GPC5: variants seen among roughly 807,000 people sequenced by gnomAD.
The protein encoded by GPC5 is glypican-5.
Under a neutral mutation model 53.9 loss-of-function variants are expected in GPC5, and 47 were observed. The observed-to-expected ratio is 0.87, with a 90% CI of 0.69 to 1.11. GPC5 has a LOEUF of 1.11. GPC5 is among the 50% of genes most tolerant of loss of function. The probability of loss-of-function intolerance (pLI) is 0.00; values close to 1 mark genes in which losing one functional copy is unlikely to be tolerated. For missense variants in GPC5, 748 were observed against 713.1 expected, an observed-to-expected ratio of 1.05 and a Z score of -0.56; for synonymous variants, 286 against 263.3, an observed-to-expected ratio of 1.09 and a Z score of -0.84.
At chr13:92,015,091 C>T (rs943691691) in intron 6 of GPC5, among the ~76,000 whole-genome samples, 2 of 152,044 alleles carry the variant, frequency 1.3e-5, no homozygotes, top group African/African-American at 2.4e-5. Flanking sequence ...AAAAACTGTG[C>T]CCCACAAGCA....
At chr13:92,651,200 T>C (rs775169202) in intron 7 of GPC5, among the ~76,000 whole-genome samples, 5 of 151,220 alleles carry the variant, frequency 3.3e-5, no homozygotes, top group Non-Finnish European at 5.9e-5. Context: ...CTATTAGTTC[T>C]ATCCGTCTAA....
chr13:92,232,320 T>C (rs1222156819), intron 7 of GPC5, among the ~76,000 whole-genome samples: 3 of 152,106 alleles, frequency 2.0e-5, no homozygotes, highest in African/African-American at 7.2e-5. Flanking sequence ...ATAATTAAGT[T>C]CTGTGCAATA....
chr13:92,393,127 T>A (rs1056991672), intron 7 of GPC5, among the ~76,000 whole-genome samples: 2 of 152,122 alleles, frequency 1.3e-5, no homozygotes, highest in African/African-American at 4.8e-5. Flanking sequence ...CTATTCACAA[T>A]TGCAAAGATA....
chr13:92,676,106 G>A (rs9589617), intron 7 of GPC5, among the ~76,000 whole-genome samples: 2,785 of 152,140 alleles, frequency 0.018, 102 homozygotes, highest in African/African-American at 0.063. Flanking sequence ...ACATGCTATG[G>A]CTATAAGGAA....
At chr13:92,334,491 C>A (rs2043309123) in intron 7 of GPC5, among the ~76,000 whole-genome samples, 3 of 152,106 alleles carry the variant, frequency 2.0e-5, no homozygotes, top group Admixed American at 2.0e-4. Context: ...TGGCTGCTCC[C>A]AAATCTCATG....
At chr13:92,701,675 TTAGTGCAA>T (rs1392076330) in intron 7 of GPC5, among the ~76,000 whole-genome samples, 5 of 152,092 alleles carry the variant, frequency 3.3e-5, no homozygotes, top group African/African-American at 1.2e-4. Flanking sequence ...GAAATTCTCT[TTAGTGCAA>T]TATCTATAGA....
chr13:91,692,766 C>G (rs1446507227), intron 2 of GPC5, among the ~76,000 whole-genome samples: 2 of 152,194 alleles, frequency 1.3e-5, no homozygotes, highest in Non-Finnish European at 2.9e-5. Context: ...GCCTCAGCCT[C>G]CTGAGTAACT....
chr13:91,468,706 C>A (rs1882407435), intron 2 of GPC5, among the ~76,000 whole-genome samples: 1 of 152,072 alleles, frequency 6.6e-6, no homozygotes, highest in African/African-American at 2.4e-5. Context: ...GGTTGTAGGG[C>A]TTTGTAACAG....
At chr13:91,454,138 A>G (rs1043530596) in intron 2 of GPC5, among the ~76,000 whole-genome samples, 3 of 152,034 alleles carry the variant, frequency 2.0e-5, no homozygotes, top group African/African-American at 7.2e-5. Context: ...TATCTCTGCA[A>G]TGTTAAAAAT....
chr13:92,459,855 A>C (rs1383030697), intron 7 of GPC5, among the ~76,000 whole-genome samples: 7 of 152,112 alleles, frequency 4.6e-5, no homozygotes. Context: ...CTCTAACTTT[A>C]GCTTTTTTAA....
intron 6 of GPC5, among the ~76,000 whole-genome samples, chr13:91,908,487 A>G (rs2039577996): frequency 6.6e-6 from 1 of 152,136 alleles, no homozygotes; most frequent in Non-Finnish European, 1.5e-5. Context: ...ATAGATGAAT[A>G]ATATGTATTT....
intron 6 of GPC5, among the ~76,000 whole-genome samples, chr13:92,070,400 G>C (rs1887116): frequency 0.55 from 84,224 of 151,916 alleles, 23,663 homozygotes; most frequent in East Asian, 0.79. Context: ...CTCCTCTGCC[G>C]TGAAAACTCT....
intron 7 of GPC5, among the ~76,000 whole-genome samples, chr13:92,510,452 C>T (rs1880523828): frequency 6.6e-6 from 1 of 152,182 alleles, no homozygotes; most frequent in Admixed American, 6.5e-5. Context: ...TAGAAGCATG[C>T]TTTCTGTGCT....
intron 7 of GPC5, among the ~76,000 whole-genome samples, chr13:92,177,924 A>G (rs1211380810): frequency 6.6e-6 from 1 of 152,200 alleles, no homozygotes; most frequent in Non-Finnish European, 1.5e-5. Flanking sequence ...CCAGTATTCT[A>G]CTTGCAGAAG....
chr13:91,432,627 A>T (rs74106748), intron 1 of GPC5, among the ~76,000 whole-genome samples: 1 of 152,176 alleles, frequency 6.6e-6, no homozygotes. Context: ...ATCCAGAACA[A>T]TAAAAACTCA....
chr13:92,553,394 T>C (rs1299104233), intron 7 of GPC5, among the ~76,000 whole-genome samples: 3 of 151,984 alleles, frequency 2.0e-5, no homozygotes, highest in African/African-American at 7.2e-5. Flanking sequence ...TAAACTCTTA[T>C]TTTGGTATTG....
At chr13:92,173,880 G>A (rs144870371) in intron 7 of GPC5, among the ~76,000 whole-genome samples, 1,903 of 152,232 alleles carry the variant, frequency 0.013, 33 homozygotes, top group African/African-American at 0.044. Context: ...CGAGGAAGGT[G>A]GATCACTTGA....
chr13:92,608,776 T>C (rs1354303008), intron 7 of GPC5, among the ~76,000 whole-genome samples: 1 of 152,194 alleles, frequency 6.6e-6, no homozygotes, highest in Non-Finnish European at 1.5e-5. Context: ...CTCATTTGTT[T>C]GTTATACACA....
At chr13:91,944,724 G>A (rs1274851291) in intron 6 of GPC5, among the ~76,000 whole-genome samples, 2 of 152,132 alleles carry the variant, frequency 1.3e-5, no homozygotes, top group Admixed American at 1.3e-4. Flanking sequence ...AAACTAGGTT[G>A]ACTGAACTTT....
Sources: allele counts gnomAD v4.1 joint callset (sites outside exome capture counted in the v4.1 genomes callset), GRCh38; gene constraint gnomAD v4.1.1; transcripts MANE v1.5; gene names NCBI Gene and HGNC (gene_info 2026-07-23, HGNC 2026-07-21).